The following LOC128462377 variants were observed in gnomAD, a reference collection of about 807,000 sequenced individuals.
chr16:89,401,588 T>C, the LOC128462377 span, among the ~76,000 whole-genome samples: 8 of 152,316 alleles, frequency 5.3e-5, no homozygotes, highest in African/African-American at 1.9e-4. Flanking sequence ...CTATGCTTTA[T>C]TTACTGGTGT....
the LOC128462377 span, among the ~76,000 whole-genome samples, chr16:89,351,049 A>G: frequency 6.6e-6 from 1 of 152,214 alleles, no homozygotes; most frequent in Non-Finnish European, 1.5e-5. Context: ...CTCAGGATGC[A>G]TCCCCCGACC....
the LOC128462377 span, among the ~76,000 whole-genome samples, chr16:89,329,806 C>G: frequency 6.6e-6 from 1 of 152,100 alleles, no homozygotes; most frequent in East Asian, 1.9e-4. Context: ...GTCAGGAGTT[C>G]GAAACCAGCC....
At chr16:89,356,366 G>A in the LOC128462377 span, among the ~76,000 whole-genome samples, 1 of 151,928 alleles carries the variant, frequency 6.6e-6, no homozygotes, top group East Asian at 1.9e-4. Flanking sequence ...TGATCCATCA[G>A]CCAACCCTGC....
the LOC128462377 span, among the ~76,000 whole-genome samples, chr16:89,405,763 T>G: frequency 4.9e-4 from 75 of 152,214 alleles, no homozygotes; most frequent in African/African-American, 1.8e-3. Context: ...AGCCAGACCC[T>G]GGGGCTTAGG....
At chr16:89,356,359 T>G in the LOC128462377 span, among the ~76,000 whole-genome samples, 2 of 151,764 alleles carry the variant, frequency 1.3e-5, no homozygotes, top group South Asian at 2.1e-4. Context: ...AAGGATGTGA[T>G]CCATCAGCCA....
At chr16:89,341,763 G>A in the LOC128462377 span, among the ~76,000 whole-genome samples, 9 of 152,228 alleles carry the variant, frequency 5.9e-5, no homozygotes, top group African/African-American at 2.2e-4. Context: ...CTGCACAAAC[G>A]TGCACAAACA....
the LOC128462377 span, among the ~76,000 whole-genome samples, chr16:89,355,539 G>C: frequency 6.6e-6 from 1 of 152,130 alleles, no homozygotes; most frequent in Non-Finnish European, 1.5e-5. Flanking sequence ...GCTCTGCTCT[G>C]AACGCTCTCT....
At chr16:89,379,512 A>T in the LOC128462377 span, among the ~76,000 whole-genome samples, 5 of 152,042 alleles carry the variant, frequency 3.3e-5, no homozygotes. Context: ...TAAAGAGACA[A>T]AGTCTTGCTC....
the LOC128462377 span, among the ~76,000 whole-genome samples, chr16:89,406,155 C>G: frequency 7.3e-5 from 11 of 150,954 alleles, no homozygotes; most frequent in African/African-American, 2.7e-4. Flanking sequence ...TCACCAAAGT[C>G]CTAAGTCTGG....
the LOC128462377 span, among the ~76,000 whole-genome samples, chr16:89,408,760 T>C: frequency 6.6e-6 from 1 of 152,146 alleles, no homozygotes; most frequent in Admixed American, 6.5e-5. Context: ...CGTGGAATCC[T>C]GAATTCAAAC....
At chr16:89,346,984 G>A in the LOC128462377 span, among the ~76,000 whole-genome samples, 3 of 152,188 alleles carry the variant, frequency 2.0e-5, no homozygotes, top group Admixed American at 6.5e-5. Context: ...AGGAAGGCGC[G>A]AACTGTCTGC....
the LOC128462377 span, among the ~76,000 whole-genome samples, chr16:89,340,795 C>A: frequency 6.6e-6 from 1 of 152,174 alleles, no homozygotes; most frequent in Non-Finnish European, 1.5e-5. Flanking sequence ...CTCTGAAACC[C>A]CAGAAATCAC....
chr16:89,411,758 C>A, the LOC128462377 span, among the ~76,000 whole-genome samples: 1 of 152,148 alleles, frequency 6.6e-6, no homozygotes, highest in Non-Finnish European at 1.5e-5. Flanking sequence ...ATCATTTTTC[C>A]CAATGGACAA....
At chr16:89,387,631 C>G in the LOC128462377 span, among the ~76,000 whole-genome samples, 5 of 148,594 alleles carry the variant, frequency 3.4e-5, no homozygotes, top group African/African-American at 7.5e-5. Context: ...CGAGACTGCA[C>G]CACTGCACTC....
the LOC128462377 span, chr16:89,324,171 T>C: frequency 2.6e-6 from 3 of 1,136,204 alleles, no homozygotes; most frequent in South Asian, 3.2e-5. Context: ...TTTTCTGTTA[T>C]CACGGCGGGG....
the LOC128462377 span, among the ~76,000 whole-genome samples, chr16:89,346,031 C>T: frequency 6.6e-6 from 1 of 151,662 alleles, no homozygotes; most frequent in African/African-American, 2.4e-5. Flanking sequence ...CACTTGAGGT[C>T]AAGAGTTTGA....
the LOC128462377 span, among the ~76,000 whole-genome samples, chr16:89,415,850 A>AG: frequency 1.4e-5 from 2 of 147,384 alleles, no homozygotes; most frequent in African/African-American, 5.0e-5. Flanking sequence ...AAAAAAAAAA[A>AG]CAATGGAGAA....
chr16:89,355,788 C>T, the LOC128462377 span, among the ~76,000 whole-genome samples: 2 of 152,212 alleles, frequency 1.3e-5, no homozygotes, highest in East Asian at 3.8e-4. Context: ...GCATCTGCAC[C>T]GAGGCCCTGC....
chr16:89,402,589 G>A, the LOC128462377 span, among the ~76,000 whole-genome samples: 9 of 151,110 alleles, frequency 6.0e-5, no homozygotes, highest in Non-Finnish European at 1.3e-4. Context: ...GGCTGAGGTG[G>A]GAGGATTGGT....
Sources: gnomAD v4.1 joint callset for allele counts (sites outside exome capture counted in the v4.1 genomes callset) on GRCh38, gnomAD v4.1.1 for gene constraint, MANE v1.5 for transcripts.